NEGR1: variants seen among roughly 807,000 people sequenced by gnomAD.
NEGR1 encodes the protein neuronal growth regulator 1, also known as IgLON family member 4.
NEGR1 carries 10 observed loss-of-function variants against 40.9 expected under a neutral mutation model. That is an observed-to-expected ratio of 0.24 (90% CI 0.15 to 0.42). NEGR1 has a LOEUF of 0.42. Ranked by LOEUF, NEGR1 falls within the 10% of genes least tolerant of loss-of-function variation. NEGR1 has a pLI of 1.00. For missense variants in NEGR1, 352 were observed against 438.9 expected, an observed-to-expected ratio of 0.80 and a Z score of 1.77; for synonymous variants, 185 against 166.8, an observed-to-expected ratio of 1.11 and a Z score of -0.84.
intron 6 of NEGR1, among the ~76,000 whole-genome samples, chr1:71,539,431 C>T (rs1647618310): frequency 6.6e-6 from 1 of 151,682 alleles, no homozygotes; most frequent in Non-Finnish European, 1.5e-5. Flanking sequence ...ACATTAGCTG[C>T]ACTCGGCCAC....
intron 2 of NEGR1, among the ~76,000 whole-genome samples, chr1:71,779,722 T>A (rs967339855): frequency 1.3e-5 from 2 of 151,946 alleles, no homozygotes; most frequent in African/African-American, 4.8e-5. Context: ...CGCCTGCCAC[T>A]GCGCCCAGCT....
chr1:72,123,502 A>G (rs1304805373), intron 1 of NEGR1, among the ~76,000 whole-genome samples: 1 of 151,772 alleles, frequency 6.6e-6, no homozygotes, highest in African/African-American at 2.4e-5. Context: ...AAGGCAAATA[A>G]AACATTTGCC....
chr1:72,094,851 A>T (rs1297041787), intron 1 of NEGR1, among the ~76,000 whole-genome samples: 1 of 152,194 alleles, frequency 6.6e-6, no homozygotes, highest in Non-Finnish European at 1.5e-5. Flanking sequence ...CCAACAAACA[A>T]AATGTTGGAT....
intron 1 of NEGR1, among the ~76,000 whole-genome samples, chr1:71,954,095 T>A (rs1004531109): frequency 6.6e-6 from 1 of 151,912 alleles, no homozygotes; most frequent in African/African-American, 2.4e-5. Context: ...GAATGTGAAA[T>A]GGTTCTTTAT....
chr1:72,262,113 C>T (rs976595511), intron 1 of NEGR1, among the ~76,000 whole-genome samples: 14 of 151,904 alleles, frequency 9.2e-5, no homozygotes, highest in African/African-American at 2.4e-4. Flanking sequence ...GGGAAGCTAT[C>T]CTAGATTGGA....
chr1:71,894,538 C>A (rs1361096353), intron 2 of NEGR1, among the ~76,000 whole-genome samples: 1 of 152,158 alleles, frequency 6.6e-6, no homozygotes, highest in South Asian at 2.1e-4. Context: ...CCCCATTTGA[C>A]AGATAAGGAA....
chr1:71,553,508 C>T (rs1190317924), intron 6 of NEGR1, among the ~76,000 whole-genome samples: 1 of 151,466 alleles, frequency 6.6e-6, no homozygotes, highest in African/African-American at 2.4e-5. Context: ...CAGACACTAT[C>T]AGAATGTGTC....
At chr1:71,742,853 G>C (rs1037933531) in intron 3 of NEGR1, among the ~76,000 whole-genome samples, 4 of 152,180 alleles carry the variant, frequency 2.6e-5, no homozygotes, top group African/African-American at 9.7e-5. Flanking sequence ...TGGGAGGTCA[G>C]AGGCCAGATC....
At chr1:71,910,654 G>A (rs1661399840) in intron 2 of NEGR1, among the ~76,000 whole-genome samples, 3 of 152,014 alleles carry the variant, frequency 2.0e-5, no homozygotes, top group Non-Finnish European at 4.4e-5. Flanking sequence ...TTTAAAGTAG[G>A]TTGAGTGGCC....
chr1:71,408,122 A>T (rs1012500843), intron 6 of NEGR1, among the ~76,000 whole-genome samples: 4 of 152,068 alleles, frequency 2.6e-5, no homozygotes, highest in African/African-American at 9.7e-5. Flanking sequence ...TTGTGCTTTT[A>T]AATTGCCTGG....
intron 3 of NEGR1, among the ~76,000 whole-genome samples, chr1:71,739,001 C>T (rs1012763372): frequency 6.6e-6 from 1 of 151,794 alleles, no homozygotes; most frequent in Non-Finnish European, 1.5e-5. Flanking sequence ...AAAACAAACA[C>T]CCCCCACCCA....
chr1:72,275,198 C>A, intron 1 of NEGR1: 1 of 604,260 alleles, frequency 1.7e-6, no homozygotes. Flanking sequence ...ACAGAAAATA[C>A]ATCTTCACAA....
intron 2 of NEGR1, among the ~76,000 whole-genome samples, chr1:71,885,294 C>T (rs957860639): frequency 1.3e-5 from 2 of 152,170 alleles, no homozygotes; most frequent in African/African-American, 4.8e-5. Flanking sequence ...CATTGAGGTA[C>T]TTATGGCTAG....
At chr1:71,589,660 C>A (rs970926848) in intron 6 of NEGR1, among the ~76,000 whole-genome samples, 1 of 152,064 alleles carries the variant, frequency 6.6e-6, no homozygotes, top group African/African-American at 2.4e-5. Flanking sequence ...CCTTTTCTTG[C>A]CAGATTTGGT....
At chr1:71,540,926 C>T (rs904186777) in intron 6 of NEGR1, among the ~76,000 whole-genome samples, 3 of 151,244 alleles carry the variant, frequency 2.0e-5, no homozygotes, top group Non-Finnish European at 4.4e-5. Flanking sequence ...ATGGTGAGAA[C>T]GGGAGCAAAG....
intron 4 of NEGR1, among the ~76,000 whole-genome samples, chr1:71,677,015 T>C (rs956721058): frequency 1.2e-4 from 18 of 152,192 alleles, no homozygotes. Context: ...TGACCAACTA[T>C]GTGTGAGTTA....
At chr1:71,916,167 G>T (rs1029646871) in intron 2 of NEGR1, among the ~76,000 whole-genome samples, 2 of 152,084 alleles carry the variant, frequency 1.3e-5, no homozygotes, top group African/African-American at 4.8e-5. Flanking sequence ...TTCCTACAGA[G>T]ATATCCTTAA....
intron 6 of NEGR1, among the ~76,000 whole-genome samples, chr1:71,409,437 G>T (rs895799713): frequency 4.6e-5 from 7 of 151,928 alleles, no homozygotes; most frequent in Non-Finnish European, 7.4e-5. Context: ...AATTATTTTT[G>T]TTATGAGAAA....
intron 6 of NEGR1, among the ~76,000 whole-genome samples, chr1:71,543,886 T>G (rs560724504): frequency 7.6e-4 from 115 of 151,840 alleles, no homozygotes; most frequent in Non-Finnish European, 1.4e-3. Flanking sequence ...GAAAAAGCAC[T>G]AAGTGGTTAA....
Sources: allele counts gnomAD v4.1 joint callset (sites outside exome capture counted in the v4.1 genomes callset), GRCh38; gene constraint gnomAD v4.1.1; transcripts MANE v1.5; gene names NCBI Gene and HGNC (gene_info 2026-07-23, HGNC 2026-07-21).